ITPKB: variants seen among roughly 807,000 people sequenced by gnomAD.
ITPKB encodes the protein inositol-trisphosphate 3-kinase B, also known as IP3 3-kinase B.
A neutral mutation model predicts 69.4 loss-of-function variants in ITPKB; 13 were observed. The ratio of observed to expected loss-of-function variants is 0.19; its 90% CI spans 0.12 to 0.30. The LOEUF (loss-of-function observed/expected upper bound fraction) is 0.30, where lower values mean the gene tolerates loss of function less well. Among genes scored for constraint, ITPKB ranks in the 10% least tolerant of loss-of-function variants. ITPKB has a pLI of 1.00. For synonymous variants in ITPKB, 584 were observed against 513.7 expected, an observed-to-expected ratio of 1.14 and a Z score of -1.85; for missense variants, 1,240 against 1,250.5, an observed-to-expected ratio of 0.99 and a Z score of 0.13.
intron 2 of ITPKB, among the ~76,000 whole-genome samples, chr1:226,696,870 C>T (rs930362198): frequency 3.3e-5 from 5 of 152,146 alleles, no homozygotes; most frequent in Admixed American, 3.3e-4. Context: ...GACTAGGGGC[C>T]GGGGGGTTAG....
At chr1:226,700,097 G>C (rs1042179661) in intron 2 of ITPKB, among the ~76,000 whole-genome samples, 1 of 152,102 alleles carries the variant, frequency 6.6e-6, no homozygotes, top group Non-Finnish European at 1.5e-5. Flanking sequence ...CCAGATTAAG[G>C]GTGGGTCTGC....
chr1:226,674,246 C>T (rs1329031014), intron 2 of ITPKB, among the ~76,000 whole-genome samples: 1 of 152,178 alleles, frequency 6.6e-6, no homozygotes, highest in Non-Finnish European at 1.5e-5. Flanking sequence ...GTTGCCCAGG[C>T]TGGAGGGCAG....
intron 2 of ITPKB, among the ~76,000 whole-genome samples, chr1:226,682,877 G>A (rs1379553419): frequency 1.3e-5 from 2 of 152,210 alleles, no homozygotes; most frequent in African/African-American, 4.8e-5. Flanking sequence ...TTGAGCCTCA[G>A]GAGGAGGTGT....
Position 226,647,320 on chromosome 1 carries a change from C to T in ITPKB, c.2093G>A (p.Arg698His), listed in dbSNP as rs771048902. ...ILKKHCESEQ[R>H]CLDRLMVDVL... ...ATCCACCATCAGCCGGTCCAGGCAG[C>T]GCTGCTCTGACTCACAGTGCTTCTT... The change falls in exon 4 of 8, where the codon CGC (arginine) becomes CAC (histidine). Residue 698 changes from arginine (R) to histidine (H), a missense_variant. Physicochemically the swap from Arg to His is conservative, Grantham distance 29. Transcript: ENST00000429204. 6.2e-6 allele frequency: 10 copies of T among 1,614,170 alleles called. No individual in the cohort carries two copies. The highest frequency in any genetic ancestry group is 4.5e-5 in the East Asian group (2 of 44,878).
chr1:226,715,313 G>A (rs193035691), intron 2 of ITPKB, among the ~76,000 whole-genome samples: 1 of 152,362 alleles, frequency 6.6e-6, no homozygotes, highest in African/African-American at 2.4e-5. Flanking sequence ...GCAGGTAGTA[G>A]ATAAAACCCT....
intron 2 of ITPKB, among the ~76,000 whole-genome samples, chr1:226,701,401 G>A (rs1196336883): frequency 1.3e-4 from 20 of 151,566 alleles, no homozygotes; most frequent in Non-Finnish European, 7.4e-5. Context: ...TCAGGAGATC[G>A]AGACCATCCT....
chr1:226,696,517 C>G lies in ITPKB; in HGVS notation c.1932+39010G>C, dbSNP rs137900103. Among the ~76,000 whole-genome samples the G allele has an allele frequency of 2.8e-3, 421 of 152,212 alleles. 2 individuals are homozygous for G. The highest frequency in any genetic ancestry group is 9.7e-3 in the African/African-American group (402 of 41,510). On this transcript the variant is annotated intron_variant, in intron 2 of 7. Coordinates refer to ENST00000429204, the MANE Select transcript of ITPKB (RefSeq NM_002221.4). ...AGAGACGAAATGGCACATGCCCGGC[C>G]CCTGTATTTTCTACTGTTTTCTGAG...
Position 226,642,130 on chromosome 1 carries a change from G to A in ITPKB, c.2247-5C>T, listed in dbSNP as rs776013826. 5.6e-6 allele frequency: 9 copies of A among 1,610,872 alleles called. No homozygotes were observed. The Admixed American group carries it at 8.3e-5, about 15-fold the overall frequency. Reference sequence around the variant, plus strand: ...AGCTCCTCCTCCAGGTAGGTCCTACGTGGGAGGGAAGGCGACATGAGGGCC... The same window carrying A: ...AGCTCCTCCTCCAGGTAGGTCCTACATGGGAGGGAAGGCGACATGAGGGCC... On this transcript the variant is annotated splice_polypyrimidine_tract_variant and splice_region_variant and intron_variant, in intron 4 of 7. Coordinates refer to ENST00000429204, the MANE Select transcript of ITPKB (RefSeq NM_002221.4). The surrounding 1 kb of genome is among the most constrained non-coding windows in gnomAD (Gnocchi z 6.4).
intron 2 of ITPKB, among the ~76,000 whole-genome samples, chr1:226,709,588 A>G (rs192601202): frequency 6.6e-6 from 1 of 152,268 alleles, no homozygotes. Context: ...CCTGACATCC[A>G]ACTTCCCCCC....
intron 2 of ITPKB, among the ~76,000 whole-genome samples, chr1:226,649,080 G>A (rs1669118788): frequency 6.6e-6 from 1 of 152,224 alleles, no homozygotes; most frequent in African/African-American, 2.4e-5. Flanking sequence ...TATTCAATTC[G>A]TAGATGCGGA....
At chr1:226,682,296 G>A (rs1571856566) in intron 2 of ITPKB, among the ~76,000 whole-genome samples, 1 of 152,194 alleles carries the variant, frequency 6.6e-6, no homozygotes. Flanking sequence ...GGTCAAAGTG[G>A]CCCAAAAGAG....
chr1:226,695,107 G>A lies in ITPKB; in HGVS notation c.1932+40420C>T, dbSNP rs1413144270. On this transcript the variant is annotated intron_variant, in intron 2 of 7. Transcript: ENST00000429204. ...TAGCCGGGTGTGGTGATGCACGCCT[G>A]TAGTCTCAGCTACTCAGAAGGCTGA... is the stretch of plus-strand genomic sequence containing the variant. 2.0e-5 allele frequency among the ~76,000 whole-genome samples: 3 copies of A among 152,192 alleles called. No individual in the cohort carries two copies. The East Asian group carries it at 5.8e-4, about 29-fold the overall frequency.
intron 2 of ITPKB, among the ~76,000 whole-genome samples, chr1:226,729,481 C>T (rs868575630): frequency 1.4e-5 from 1 of 70,148 alleles, no homozygotes; most frequent in Non-Finnish European, 2.8e-5. Flanking sequence ...GACTCCACCT[C>T]AAAAAAAAAA....
At chr1:226,698,786 T>G (rs1181115044) in intron 2 of ITPKB, among the ~76,000 whole-genome samples, 1 of 152,248 alleles carries the variant, frequency 6.6e-6, no homozygotes, top group East Asian at 1.9e-4. Context: ...CCTGTCCTGC[T>G]GACTGCATAG....
In ITPKB at chr1:226,648,697, G is replaced by C; in HGVS notation, c.2007C>G (p.Pro669=). The C allele has an allele frequency of 6.2e-7, 1 of 1,611,366 alleles. No individual in the cohort carries two copies. The highest frequency in any genetic ancestry group is 1.1e-5 in the South Asian group (1 of 91,016). ...PFVMSFKKKY[P]WIQLAGHAGS... ...CTGCGTGTCCTGCCAGCTGGATCCAGGGGTACTTCTTCTTGAAGGACATGA... is the reference window on the plus strand; with the variant it reads ...CTGCGTGTCCTGCCAGCTGGATCCACGGGTACTTCTTCTTGAAGGACATGA... Residue 669 remains proline (P), a synonymous_variant, in exon 3 of 8, where the codon CCC becomes CCG. Transcript: ENST00000429204.
intron 2 of ITPKB, among the ~76,000 whole-genome samples, chr1:226,715,841 C>T (rs535242897): frequency 2.0e-5 from 3 of 152,318 alleles, no homozygotes; most frequent in African/African-American, 4.8e-5. Context: ...GATGAAGTCT[C>T]GCTCTGTCGC....
At chr1:226,699,957 G>A (rs1656594405) in intron 2 of ITPKB, among the ~76,000 whole-genome samples, 1 of 152,200 alleles carries the variant, frequency 6.6e-6, no homozygotes, top group South Asian at 2.1e-4. Flanking sequence ...AGAGTCTGAT[G>A]TTCAAGGGCA....
chr1:226,711,702 G>T (rs555358569), intron 2 of ITPKB, among the ~76,000 whole-genome samples: 1 of 152,204 alleles, frequency 6.6e-6, no homozygotes, highest in African/African-American at 2.4e-5. Flanking sequence ...CTGAACAGAA[G>T]TTCCTCAGGA....
intron 2 of ITPKB, among the ~76,000 whole-genome samples, chr1:226,655,140 G>C (rs1388716985): frequency 6.6e-6 from 1 of 152,116 alleles, no homozygotes; most frequent in African/African-American, 2.4e-5. Context: ...GAGAGACCCA[G>C]GTTTACCCTA....
Sources: allele counts gnomAD v4.1 joint callset (sites outside exome capture counted in the v4.1 genomes callset), GRCh38; gene constraint gnomAD v4.1.1; non-coding constraint Gnocchi (gnomAD v3.1); transcripts MANE v1.5; gene names NCBI Gene and HGNC (gene_info 2026-07-23, HGNC 2026-07-21).